CDH1: variants seen among roughly 807,000 people sequenced by gnomAD.
The protein encoded by CDH1 is cadherin-1.
A neutral mutation model predicts 84.5 loss-of-function variants in CDH1; 35 were observed. That is an observed-to-expected ratio of 0.41 (90% CI 0.32 to 0.55). The LOEUF is 0.55. Ranked by LOEUF, CDH1 falls within the 20% of genes least tolerant of loss-of-function variation. CDH1 has a pLI of 0.19. For missense variants in CDH1, 994 were observed against 1,126.6 expected, an observed-to-expected ratio of 0.88 and a Z score of 1.68; for synonymous variants, 417 against 439.0, an observed-to-expected ratio of 0.95 and a Z score of 0.63.
intron 2 of CDH1, among the ~76,000 whole-genome samples, chr16:68,796,020 G>T (rs757912649): frequency 6.6e-6 from 1 of 151,896 alleles, no homozygotes; most frequent in African/African-American, 2.4e-5. Context: ...AAGATTAGCC[G>T]GGCGTGGTGG....
intron 11 of CDH1, among the ~76,000 whole-genome samples, chr16:68,821,321 A>T (rs1435007819): frequency 6.6e-6 from 1 of 152,088 alleles, no homozygotes. Flanking sequence ...AAAAAAATTT[A>T]AAAACTAGCC....
rs764499933 is a variant in CDH1 at position 68,801,863 on chromosome 16, G to C, written c.357G>C (p.Val119=). The change falls in exon 3 of 16, where the codon GTG becomes GTC. Residue 119 remains valine (V), a synonymous_variant. Coordinates refer to ENST00000261769, the MANE Select transcript of CDH1 (RefSeq NM_004360.5). ...KFSTKVTLNT[V]GHHHRPPPHQ... Reference sequence around the variant, plus strand: ...CCACCAAAGTCACGCTGAATACAGTGGGGCACCACCACCGCCCCCCGCCCC... The same window carrying C: ...CCACCAAAGTCACGCTGAATACAGTCGGGCACCACCACCGCCCCCCGCCCC... The C allele has an allele frequency of 2.5e-6, 4 of 1,613,966 alleles. No individual in the cohort carries two copies. The highest frequency in any genetic ancestry group is 3.4e-6 in the Non-Finnish European group (4 of 1,179,992).
chr16:68,805,827 G>A (rs1230975211), intron 3 of CDH1, among the ~76,000 whole-genome samples: 2 of 152,154 alleles, frequency 1.3e-5, no homozygotes, highest in Non-Finnish European at 2.9e-5. Context: ...GCTCACCTCA[G>A]GTGATCCACC....
At chr16:68,767,112 G>A (rs1959413474) in intron 2 of CDH1, among the ~76,000 whole-genome samples, 1 of 152,072 alleles carries the variant, frequency 6.6e-6, no homozygotes, top group Non-Finnish European at 1.5e-5. Context: ...CTGCCACTTA[G>A]AAAGTTTTAG....
At position 68,750,150 on chromosome 16, in the gene CDH1, C is replaced by CTTTTTTTTGTTTTTTTTTTTTTTTTT. The variant is rs1962851055; in HGVS notation, c.163+11747_163+11748insGTTTTTTTTTTTTTTTTTTTTTTTTT. Among the ~76,000 whole-genome samples, 2 of 79,094 alleles carry CTTTTTTTTGTTTTTTTTTTTTTTTTT rather than the reference C, an allele frequency of 2.5e-5. 1 individual carries two copies. The highest frequency in any genetic ancestry group is 5.2e-5 in the Non-Finnish European group (2 of 38,556). 51.9% of individuals were successfully genotyped at this position (79,094 alleles called of 152,430 possible). Reference sequence around the variant, plus strand: ...TTTTGATTGTGATGCTAGAATTCAGCTTTTTTTTTTGCCTTTGGAAGGCCT... The same window carrying CTTTTTTTTGTTTTTTTTTTTTTTTTT: ...TTTTGATTGTGATGCTAGAATTCAGCTTTTTTTTGTTTTTTTTTTTTTTTTTTTTTTTTTTTGCCTTTGGAAGGCCT... On this transcript the variant is annotated intron_variant, in intron 2 of 15. Transcript: ENST00000261769.
At chr16:68,794,685 C>CTTT (rs34110311) in intron 2 of CDH1, among the ~76,000 whole-genome samples, 10 of 126,444 alleles carry the variant, frequency 7.9e-5, no homozygotes, top group South Asian at 2.6e-4. Flanking sequence ...GCCGGGCTAA[C>CTTT]TTTTTTTTTT....
chr16:68,812,368 G>C (rs2152132880), intron 8 of CDH1, 105 bp downstream of exon 8: 1 of 1,231,588 alleles, frequency 8.1e-7, no homozygotes, highest in South Asian at 1.2e-5. Flanking sequence ...ACTCTCTCCA[G>C]ACTAGAGAAT....
At chr16:68,798,478 C>T (rs1960419269) in intron 2 of CDH1, among the ~76,000 whole-genome samples, 1 of 152,126 alleles carries the variant, frequency 6.6e-6, no homozygotes, top group African/African-American at 2.4e-5. Context: ...GATAATGAGT[C>T]TTATGAGCAC....
In CDH1 at chr16:68,803,480, G is replaced by A. The variant is rs779596174; in HGVS notation, c.387+1587G>A. Among the ~76,000 whole-genome samples the A allele has an allele frequency of 5.9e-4, 90 of 152,002 alleles. 1 individual carries two copies. The highest frequency in any genetic ancestry group is 2.1e-3 in the African/African-American group (86 of 41,384). On this transcript the variant is annotated intron_variant, in intron 3 of 15. Transcript: ENST00000261769. ...TGGTGCAATTTCGGCTCACGGCAAC[G>A]TCTGCCTCCTGGGTTCAAACAATTC...
At chr16:68,753,764 C>T (rs905693628) in intron 2 of CDH1, among the ~76,000 whole-genome samples, 1 of 152,012 alleles carries the variant, frequency 6.6e-6, no homozygotes, top group East Asian at 1.9e-4. Context: ...TTCAGATAAA[C>T]GATGGCTAAT....
At chr16:68,750,792 C>T (rs906272495) in intron 2 of CDH1, among the ~76,000 whole-genome samples, 3 of 151,250 alleles carry the variant, frequency 2.0e-5, no homozygotes, top group South Asian at 4.2e-4. Context: ...TCAGCCTCGA[C>T]CTCCCGGGCT....
chr16:68,800,202 A>C lies in CDH1; in HGVS notation c.164-1468A>C, dbSNP rs199559911. ...GAAAATATTATTTAAAAAAAAAAAA[A>C]CCAAGGCCTTAATAGGGTCTCTCCA... On this transcript the variant is annotated intron_variant, in intron 2 of 15. Transcript: ENST00000261769. Among the ~76,000 whole-genome samples the C allele has an allele frequency of 3.1e-4, 47 of 151,678 alleles. No homozygotes were observed. In the East Asian group the frequency reaches 4.5e-3, roughly 14 times the overall value.
rs768781036 is a variant in CDH1, at chr16:68,810,232, A to C, written c.723A>C (p.Ala241=). The part of the protein sequence containing the change: ...FSHAVSSNGN[A]VEDPMEILIT... ...ACGCTGTGTCATCCAACGGGAATGC[A>C]GTTGAGGATCCAATGGAGATTTTGA... Residue 241 remains alanine (A), a synonymous_variant, in exon 6 of 16, where the codon GCA becomes GCC. Coordinates refer to ENST00000261769, the MANE Select transcript of CDH1 (RefSeq NM_004360.5). 1.9e-6 allele frequency: 3 copies of C among 1,614,136 alleles called. No homozygotes were observed.
intron 2 of CDH1, among the ~76,000 whole-genome samples, chr16:68,748,071 AT>A (rs902811734): frequency 7.3e-5 from 8 of 109,204 alleles, no homozygotes; most frequent in African/African-American, 3.5e-4. Context: ...GCCCATTTTT[AT>A]TTTTTTTAAT....
chr16:68,758,128 T>A (rs968275221), intron 2 of CDH1, among the ~76,000 whole-genome samples: 1 of 150,896 alleles, frequency 6.6e-6, no homozygotes, highest in African/African-American at 2.4e-5. Context: ...GTTTCTTTCT[T>A]TTTTTTCAAA....
At chr16:68,779,189 G>A (rs994865217) in intron 2 of CDH1, among the ~76,000 whole-genome samples, 15 of 152,196 alleles carry the variant, frequency 9.9e-5, no homozygotes, top group African/African-American at 2.7e-4. Context: ...CCTTCCACCT[G>A]CAGTGCGGGC....
rs35942505 is a variant in CDH1 at position 68,833,708 on chromosome 16, C to T, written c.*209C>T. 120 of 509,914 alleles carry T rather than the reference C, an allele frequency of 2.4e-4. 1 individual carries two copies. In the East Asian group the frequency reaches 3.9e-3, roughly 16 times the overall value. 31.6% of individuals were successfully genotyped at this position (509,914 alleles called of 1,614,324 possible). On this transcript the variant is annotated 3_prime_UTR_variant, in exon 16 of 16. Transcript: ENST00000261769. ...AAAAGTTTCGACTTATTTCTTAAAG[C>T]TTTTTTTTTTTTCCCATCACTCTTT...
In CDH1 at chr16:68,744,093, T is replaced by C. The variant is rs116480189; in HGVS notation, c.163+5682T>C. The stretch of plus-strand genomic sequence containing the variant: ...TCTTAGGGACACAGTAAACTCTCAA[T>C]GTTATTTTGAGCAAATGAATGAACA... On this transcript the variant is annotated intron_variant, in intron 2 of 15. Transcript: ENST00000261769. 1.7e-3 allele frequency among the ~76,000 whole-genome samples: 254 copies of C among 152,326 alleles called. 1 individual carries two copies. Among genetic ancestry groups the C allele is most frequent in the African/African-American group, 5.8e-3 (241 of 41,572 alleles).
At chr16:68,803,237 T>G (rs1960564339) in intron 3 of CDH1, among the ~76,000 whole-genome samples, 1 of 152,130 alleles carries the variant, frequency 6.6e-6, no homozygotes, top group Non-Finnish European at 1.5e-5. Flanking sequence ...TTCTCCCTGG[T>G]GTAATTAGAC....
Sources: gnomAD v4.1 joint callset for allele counts (sites outside exome capture counted in the v4.1 genomes callset) on GRCh38, gnomAD v4.1.1 for gene constraint, MANE v1.5 for transcripts, NCBI Gene and HGNC (gene_info 2026-07-23, HGNC 2026-07-21) for gene names.